Variants in TSGA10 observed in about 807,000 individuals in gnomAD.
TSGA10 encodes the protein testis specific 10.
A neutral mutation model predicts 96.6 loss-of-function variants in TSGA10; 43 were observed. The ratio of observed to expected loss-of-function variants is 0.44; its 90% CI spans 0.35 to 0.57. TSGA10 has a LOEUF of 0.57. Among genes scored for constraint, TSGA10 ranks in the 20% least tolerant of loss-of-function variants. The pLI, the probability that TSGA10 is intolerant of heterozygous loss-of-function variation, is 0.01. For synonymous variants in TSGA10, 229 were observed against 269.9 expected, an observed-to-expected ratio of 0.85 and a Z score of 1.48; for missense variants, 703 against 834.4, an observed-to-expected ratio of 0.84 and a Z score of 1.94.
At chr2:99,016,279 T>C (rs1190132148) in intron 20 of TSGA10, among the ~76,000 whole-genome samples, 2 of 152,174 alleles carry the variant, frequency 1.3e-5, no homozygotes, top group East Asian at 1.9e-4. Flanking sequence ...AACAGCATGG[T>C]ACTGATATAA....
intron 20 of TSGA10, among the ~76,000 whole-genome samples, chr2:99,010,640 C>A (rs1052642903): frequency 2.0e-5 from 3 of 152,232 alleles, no homozygotes; most frequent in Non-Finnish European, 2.9e-5. Flanking sequence ...CACAGGTGTC[C>A]TTGGGAAGGC....
chr2:99,056,121 C>T (rs960409882), intron 16 of TSGA10, among the ~76,000 whole-genome samples: 7 of 151,770 alleles, frequency 4.6e-5, no homozygotes, highest in African/African-American at 1.5e-4. Flanking sequence ...AGGAATATAG[C>T]GTGAACCCGG....
chr2:99,096,279 C>A (rs2090024765), intron 10 of TSGA10, among the ~76,000 whole-genome samples: 2 of 152,176 alleles, frequency 1.3e-5, no homozygotes, highest in South Asian at 2.1e-4. Context: ...AAATACAGAG[C>A]AAGCATGTTT....
chr2:99,075,763 T>C (rs990000555), intron 12 of TSGA10, among the ~76,000 whole-genome samples: 1 of 152,182 alleles, frequency 6.6e-6, no homozygotes, highest in Non-Finnish European at 1.5e-5. Flanking sequence ...GAAGGAAATA[T>C]AACATTGTTA....
intron 1 of TSGA10, chr2:99,150,442 T>C (rs2093681050): frequency 8.6e-7 from 1 of 1,163,242 alleles, no homozygotes; most frequent in Non-Finnish European, 1.2e-6. Context: ...GTTAGGGAAA[T>C]TCCTGCTGCA....
At chr2:99,004,453 A>G (rs1266855517) in intron 20 of TSGA10, among the ~76,000 whole-genome samples, 1 of 151,532 alleles carries the variant, frequency 6.6e-6, no homozygotes, top group African/African-American at 2.4e-5. Context: ...AAAATGATAA[A>G]GGGGATGTCA....
At chr2:99,064,813 T>C in intron 16 of TSGA10, 126 bp downstream of exon 16, 1 of 717,484 alleles carries the variant, frequency 1.4e-6, no homozygotes, top group Non-Finnish European at 2.1e-6. Flanking sequence ...ATGGTTAGCA[T>C]GCTACAATTC....
chr2:99,081,846 A>G (rs2087556150), intron 10 of TSGA10, among the ~76,000 whole-genome samples: 1 of 122,862 alleles, frequency 8.1e-6, no homozygotes, highest in African/African-American at 3.0e-5. Flanking sequence ...CAGACTAGAG[A>G]AAAACACCTT....
intron 4 of TSGA10, among the ~76,000 whole-genome samples, chr2:99,114,269 CATAA>C (rs2092061340): frequency 6.6e-6 from 1 of 152,184 alleles, no homozygotes; most frequent in Non-Finnish European, 1.5e-5. Flanking sequence ...ATCTCTCCCA[CATAA>C]ATATAAACCT....
At chr2:99,071,590 A>C in intron 14 of TSGA10, 116 bp downstream of exon 14, 1 of 949,060 alleles carries the variant, frequency 1.1e-6, no homozygotes, top group Non-Finnish European at 1.5e-6. Context: ...TTTTTAAAAA[A>C]AAGAAAAGGC....
intron 20 of TSGA10, among the ~76,000 whole-genome samples, chr2:99,004,147 C>A (rs1274887423): frequency 6.6e-6 from 1 of 152,144 alleles, no homozygotes; most frequent in African/African-American, 2.4e-5. Flanking sequence ...ATGCAAACAA[C>A]CATCAGAGAA....
rs918557239 is a variant in TSGA10, at chr2:99,057,969, A to G, written c.1404+6970T>C. On this transcript the variant is annotated intron_variant, in intron 16 of 20. Transcript: ENST00000393483. ...TGTCTATGATCTATTGATTTTTGAT[A>G]GAGGTGCCAAGACCATTCAAATGGT... Among the ~76,000 whole-genome samples the G allele has an allele frequency of 2.0e-5, 3 of 152,320 alleles. No individual in the cohort carries two copies. The South Asian group carries it at 6.2e-4, about 32-fold the overall frequency.
chr2:99,062,261 A>G (rs1047576441), intron 16 of TSGA10, among the ~76,000 whole-genome samples: 1 of 152,218 alleles, frequency 6.6e-6, no homozygotes, highest in African/African-American at 2.4e-5. Flanking sequence ...GTCATGTAGA[A>G]TATTATCAAA....
intron 16 of TSGA10, among the ~76,000 whole-genome samples, chr2:99,046,362 TAACA>T (rs2082773916): frequency 6.6e-6 from 1 of 152,132 alleles, no homozygotes; most frequent in Non-Finnish European, 1.5e-5. Flanking sequence ...ACAGAAATTA[TAACA>T]AACTGTCTCT....
At chr2:99,136,369 A>G (rs544223513) in intron 1 of TSGA10, among the ~76,000 whole-genome samples, 1 of 152,344 alleles carries the variant, frequency 6.6e-6, no homozygotes, top group Non-Finnish European at 1.5e-5. Flanking sequence ...AACAAATAGA[A>G]TCTTACAATT....
At chr2:99,030,534 C>T (rs2081043750) in intron 17 of TSGA10, among the ~76,000 whole-genome samples, 1 of 151,996 alleles carries the variant, frequency 6.6e-6, no homozygotes, top group Non-Finnish European at 1.5e-5. Flanking sequence ...GTAGTGCCAC[C>T]TAGCTACTTG....
intron 3 of TSGA10, 77 bp downstream of exon 3, chr2:99,118,474 T>A: frequency 2.5e-5 from 11 of 435,688 alleles, no homozygotes; most frequent in Non-Finnish European, 3.0e-5. Flanking sequence ...AAAAAGTATA[T>A]ATACATATAT....
At position 98,997,612 on chromosome 2, in the gene TSGA10, T is replaced by C. The variant is rs1437596671; in HGVS notation, c.*585A>G. 1 of 152,184 alleles carries C rather than the reference T, an allele frequency of 6.6e-6. No homozygotes were observed. Among genetic ancestry groups the C allele is most frequent in the Non-Finnish European group, 1.5e-5 (1 of 68,000 alleles). 9.4% of individuals were successfully genotyped at this position (152,184 alleles called of 1,614,324 possible). A position where few individuals can be genotyped will look rare whatever the true frequency, so the allele number is the denominator to read the frequency against. On this transcript the variant is annotated 3_prime_UTR_variant, in exon 21 of 21. Transcript: ENST00000393483. ...GTAGTAAACACAATTGTAGAATATG[T>C]ATGTTACTTAGTCTTTGAGTGGTAC...
intron 16 of TSGA10, among the ~76,000 whole-genome samples, chr2:99,060,874 T>C (rs1042271676): frequency 5.9e-5 from 9 of 152,140 alleles, no homozygotes; most frequent in Admixed American, 2.0e-4. Context: ...CATATCTGTA[T>C]GAGAAAAAAT....
Sources: allele counts gnomAD v4.1 joint callset (sites outside exome capture counted in the v4.1 genomes callset), GRCh38; gene constraint gnomAD v4.1.1; transcripts MANE v1.5; gene names NCBI Gene and HGNC (gene_info 2026-07-23, HGNC 2026-07-21).